The following ZNF148 variants were observed in gnomAD, a reference collection of about 807,000 sequenced individuals.
ZNF148 encodes zinc finger protein 148, also known as Beta-Enolase Repressor Factor-1.
A neutral mutation model predicts 67.7 loss-of-function variants in ZNF148; 7 were observed. That is an observed-to-expected ratio of 0.10 (90% CI 0.06 to 0.19). The LOEUF is 0.19. ZNF148 is among the 10% of genes least tolerant of loss of function. ZNF148 has a pLI of 1.00. For missense variants in ZNF148, 583 were observed against 947.1 expected (o/e 0.62, Z 5.05); for synonymous variants, 333 against 330.7 (o/e 1.01, Z -0.08).
chr3:125,306,464 C>G (rs191783858), intron 4 of ZNF148, among the ~76,000 whole-genome samples: 2 of 152,150 alleles, frequency 1.3e-5, no homozygotes, highest in East Asian at 3.9e-4. Context: ...CACCATTGAT[C>G]CTTAAAACAA....
At chr3:125,271,158 C>T (rs1362731834) in intron 7 of ZNF148, among the ~76,000 whole-genome samples, 1 of 152,142 alleles carries the variant, frequency 6.6e-6, no homozygotes, top group Non-Finnish European at 1.5e-5. Flanking sequence ...CAGTTAAATG[C>T]CTTGGTATCT....
In ZNF148 at chr3:125,255,480, C is replaced by T. The variant is rs562117418; in HGVS notation, c.668-21151G>A. On this transcript the variant is annotated intron_variant, in intron 7 of 8. Transcript: ENST00000360647. Reference sequence around the variant, plus strand: ...CAGGCTGGTCTCGAACTCCTGACCTCAAGTGATCCACCTGCCTCCACCTCA... The same window carrying T: ...CAGGCTGGTCTCGAACTCCTGACCTTAAGTGATCCACCTGCCTCCACCTCA... Among the ~76,000 whole-genome samples, 8 of 152,128 alleles carry T rather than the reference C, an allele frequency of 5.3e-5. No homozygotes were observed. In the South Asian group the frequency reaches 1.5e-3, roughly 28 times the overall value.
intron 1 of ZNF148, among the ~76,000 whole-genome samples, chr3:125,335,483 G>A (rs543691392): frequency 4.0e-4 from 61 of 152,234 alleles, no homozygotes; most frequent in African/African-American, 1.3e-3. Context: ...AGAATTTCCA[G>A]AAAAAGACTT....
chr3:125,353,447 G>C (rs552287840), intron 1 of ZNF148, among the ~76,000 whole-genome samples: 1 of 152,174 alleles, frequency 6.6e-6, no homozygotes, highest in African/African-American at 2.4e-5. Flanking sequence ...TTAAAAAGCA[G>C]TGAAAATGAT....
At chr3:125,338,679 AAAAACTATCACAAGTCAAAAATAACAAG>A (rs1941596831) in intron 1 of ZNF148, 2 of 151,078 alleles carry the variant, frequency 1.3e-5, no homozygotes, top group Admixed American at 6.6e-5. Context: ...AAAAAAAAAA[AAAAACTATCACAAGTCAAAAATAACAAG>A]AATGGAATTA....
chr3:125,330,720 T>C (rs1941255361), intron 2 of ZNF148, among the ~76,000 whole-genome samples: 1 of 152,064 alleles, frequency 6.6e-6, no homozygotes, highest in Non-Finnish European at 1.5e-5. Context: ...TGATCATTAA[T>C]AACTGACATG....
chr3:125,304,035 A>T (rs572042736), intron 4 of ZNF148, among the ~76,000 whole-genome samples: 3 of 152,208 alleles, frequency 2.0e-5, no homozygotes, highest in South Asian at 2.1e-4. Flanking sequence ...AAATAAAAAA[A>T]TTTTTAAGTA....
intron 7 of ZNF148, among the ~76,000 whole-genome samples, chr3:125,236,117 T>C (rs1330394480): frequency 1.3e-5 from 2 of 151,938 alleles, no homozygotes; most frequent in Non-Finnish European, 2.9e-5. Flanking sequence ...GAAATAATTA[T>C]ATTTAATTAT....
chr3:125,353,773 A>G (rs1372232428), intron 1 of ZNF148, among the ~76,000 whole-genome samples: 1 of 152,092 alleles, frequency 6.6e-6, no homozygotes, highest in African/African-American at 2.4e-5. Context: ...AGTTTAAAAA[A>G]AAAAAAATTA....
intron 1 of ZNF148, among the ~76,000 whole-genome samples, chr3:125,353,390 T>C (rs1157851334): frequency 1.3e-5 from 2 of 151,988 alleles, no homozygotes; most frequent in Admixed American, 1.3e-4. Flanking sequence ...AATTTATATA[T>C]GGCATAAAAT....
At position 125,233,304 on chromosome 3, in the gene ZNF148, C is replaced by T; in HGVS notation, c.1422G>A (p.Lys474=). 6.2e-7 allele frequency: 1 copy of T among 1,613,938 alleles called. No individual in the cohort carries two copies. Among genetic ancestry groups the T allele is most frequent in the Non-Finnish European group, 8.5e-7 (1 of 1,179,906 alleles). The part of the protein sequence containing the change: ...YDDAMQFLKK[K]RYLQAASNNS... ...TGTTACTTGCTGCTTGAAGATACCG[C>T]TTCTTCTTCAAAAACTGCATGGCAT... is the stretch of plus-strand genomic sequence containing the variant. The change falls in exon 9 of 9, where the codon AAG becomes AAA. Residue 474 remains lysine (K), a synonymous_variant. Coordinates refer to ENST00000360647, the MANE Select transcript of ZNF148 (RefSeq NM_021964.3). The surrounding 1 kb of genome is among the most constrained non-coding windows in gnomAD (Gnocchi z 5.1).
At chr3:125,295,013 A>C (rs1226566130) in intron 4 of ZNF148, among the ~76,000 whole-genome samples, 2 of 152,232 alleles carry the variant, frequency 1.3e-5, no homozygotes. Flanking sequence ...ATAAATCTAA[A>C]TTATTCAAAC....
chr3:125,315,093 T>A (rs1338227064), intron 3 of ZNF148: 1 of 152,114 alleles, frequency 6.6e-6, no homozygotes, highest in Admixed American at 6.5e-5. Flanking sequence ...AGGTCAAAGA[T>A]GTTACATACA....
intron 1 of ZNF148, among the ~76,000 whole-genome samples, chr3:125,333,010 T>A (rs947514378): frequency 6.6e-6 from 1 of 152,226 alleles, no homozygotes; most frequent in East Asian, 1.9e-4. Flanking sequence ...GGGAAAAAAA[T>A]GTCTTCACAT....
chr3:125,263,475 C>T (rs767181347), intron 7 of ZNF148, among the ~76,000 whole-genome samples: 5 of 151,448 alleles, frequency 3.3e-5, no homozygotes, highest in Admixed American at 1.3e-4. Flanking sequence ...CACTTGAACC[C>T]GGGAGACTGA....
chr3:125,308,154 G>T (rs532521458), intron 4 of ZNF148, among the ~76,000 whole-genome samples: 57 of 152,058 alleles, frequency 3.7e-4, no homozygotes, highest in Middle Eastern at 3.4e-3. Context: ...GAAACCTAAG[G>T]AATCTACAAC....
chr3:125,344,980 C>G (rs531300630), intron 1 of ZNF148, among the ~76,000 whole-genome samples: 1 of 151,986 alleles, frequency 6.6e-6, no homozygotes, highest in East Asian at 1.9e-4. Flanking sequence ...AGCAACATAA[C>G]AAGTTAAAAG....
chr3:125,319,266 A>G (rs1251203274), intron 3 of ZNF148, among the ~76,000 whole-genome samples: 3 of 152,224 alleles, frequency 2.0e-5, no homozygotes, highest in Non-Finnish European at 4.4e-5. Context: ...ATAGATTTAT[A>G]TTAAGTTGAA....
At chr3:125,271,071 C>T (rs1442830314) in intron 7 of ZNF148, among the ~76,000 whole-genome samples, 1 of 152,104 alleles carries the variant, frequency 6.6e-6, no homozygotes, top group Non-Finnish European at 1.5e-5. Context: ...CAATTTTCTT[C>T]ATATTAGTTA....
Sources: allele counts gnomAD v4.1 joint callset (sites outside exome capture counted in the v4.1 genomes callset), GRCh38; gene constraint gnomAD v4.1.1; non-coding constraint Gnocchi (gnomAD v3.1); transcripts MANE v1.5; gene names NCBI Gene and HGNC (gene_info 2026-07-23, HGNC 2026-07-21).